EYS: variants seen among roughly 807,000 people sequenced by gnomAD.
EYS encodes the protein EGF-like photoreceptor maintenance factor, also known as protein eyes shut homolog.
EYS carries 250 observed loss-of-function variants against 282.1 expected under a neutral mutation model. That is an observed-to-expected ratio of 0.89 (90% CI 0.80 to 0.98). EYS has a LOEUF of 0.98. Among genes scored for constraint, EYS ranks in the 50% least tolerant of loss-of-function variants. EYS has a pLI of 0.00. For synonymous variants in EYS, 1,355 were observed against 1,282.9 expected (o/e 1.06, Z -1.20); for missense variants, 4,016 against 3,709.0 (o/e 1.08, Z -2.15).
intron 26 of EYS, among the ~76,000 whole-genome samples, chr6:64,570,598 C>A (rs560786961): frequency 1.3e-5 from 2 of 151,904 alleles, no homozygotes; most frequent in Non-Finnish European, 2.9e-5. Context: ...ATTTACCGAG[C>A]AAATTGAAAG....
chr6:65,100,803 A>T (rs568916714), intron 12 of EYS, among the ~76,000 whole-genome samples: 1 of 150,976 alleles, frequency 6.6e-6, no homozygotes, highest in East Asian at 1.9e-4. Flanking sequence ...GACCCAAGGT[A>T]TATCATAGGA....
chr6:63,806,062 A>C (rs751267709), intron 37 of EYS, 128 bp downstream of exon 37: 47 of 750,412 alleles, frequency 6.3e-5, no homozygotes, highest in Admixed American at 3.6e-4. Flanking sequence ...CTCAAGGCAG[A>C]AAACAGGAGG....
Position 64,591,264 on chromosome 6 carries a change from T to G in EYS, c.4603A>C (p.Asn1535His), listed in dbSNP as rs2149831955. ...EYQAITEASS[N>H]QRLTNIKSQA... is the part of the protein sequence containing the mutation. ...GATTTGATGTTTGTGAGTCTCTGGT[T>G]GCTTGAAGCCTCAGTAATAGCCTGA... The change falls in exon 26 of 43, where the codon AAC becomes CAC. Residue 1535 changes from asparagine to histidine, a missense_variant. Physicochemically the swap from Asn to His is moderately conservative, Grantham distance 68. Transcript: ENST00000503581. The G allele has an allele frequency of 1.9e-6, 3 of 1,551,444 alleles. No individual in the cohort carries two copies. The highest frequency in any genetic ancestry group is 2.6e-6 in the Non-Finnish European group (3 of 1,146,818).
intron 30 of EYS, among the ~76,000 whole-genome samples, chr6:64,295,882 C>T (rs9451265): frequency 0.024 from 3,652 of 152,182 alleles, 74 homozygotes; most frequent in African/African-American, 0.06. Context: ...TACTTAAAAA[C>T]TTTTCTGATG....
chr6:64,920,624 T>A (rs1444601729), intron 15 of EYS, among the ~76,000 whole-genome samples: 2 of 152,154 alleles, frequency 1.3e-5, no homozygotes, highest in African/African-American at 4.8e-5. Flanking sequence ...TATGTAAGTA[T>A]ATGTCTGCAT....
chr6:64,360,979 A>T (rs971635741), intron 29 of EYS, among the ~76,000 whole-genome samples: 1 of 151,676 alleles, frequency 6.6e-6, no homozygotes, highest in African/African-American at 2.4e-5. Context: ...AAAGGGACCC[A>T]GAAGTGTTTT....
chr6:64,730,305 T>C (rs778444549), intron 22 of EYS, among the ~76,000 whole-genome samples: 1 of 152,002 alleles, frequency 6.6e-6, no homozygotes, highest in African/African-American at 2.4e-5. Flanking sequence ...AAAAGAGTAA[T>C]GTTACAGATA....
chr6:64,048,796 G>A (rs559781033), intron 33 of EYS, among the ~76,000 whole-genome samples: 1 of 151,570 alleles, frequency 6.6e-6, no homozygotes, highest in South Asian at 2.1e-4. Flanking sequence ...TTAAAAGAAG[G>A]AACCACAGAT....
chr6:65,228,400 A>G (rs1039765830), intron 12 of EYS, among the ~76,000 whole-genome samples: 1 of 152,066 alleles, frequency 6.6e-6, no homozygotes, highest in African/African-American at 2.4e-5. Flanking sequence ...TCTGACAAAA[A>G]TATGCAAGAC....
At chr6:64,236,666 T>G (rs1234381213) in intron 30 of EYS, among the ~76,000 whole-genome samples, 3 of 152,018 alleles carry the variant, frequency 2.0e-5, no homozygotes, top group Non-Finnish European at 4.4e-5. Context: ...CTTTTTGAAC[T>G]GAAACCTGTA....
At chr6:64,793,549 T>C (rs150717914) in intron 22 of EYS, among the ~76,000 whole-genome samples, 1 of 152,288 alleles carries the variant, frequency 6.6e-6, no homozygotes, top group East Asian at 1.9e-4. Flanking sequence ...AAATTTGCTA[T>C]TGCAGATGTA....
chr6:63,756,190 A>G (rs1293368997), intron 41 of EYS, among the ~76,000 whole-genome samples: 1 of 152,196 alleles, frequency 6.6e-6, no homozygotes, highest in East Asian at 1.9e-4. Context: ...GAGAGAGAGC[A>G]TCCTTGTCTT....
rs1770000247 is a variant in EYS, at chr6:63,774,078, CCA to C, written c.7898+3926_7898+3927del. Among the ~76,000 whole-genome samples the C allele has an allele frequency of 1.3e-5, 2 of 152,162 alleles. 1 individual carries two copies. The highest frequency in any genetic ancestry group is 4.1e-4 in the South Asian group (2 of 4,830). ...TTTGATGCATTTTACATTTTTACAA[CCA>C]CATTCTTCCAACTCCTATTGTACTT... On this transcript the variant is annotated intron_variant, in intron 40 of 42. Coordinates refer to ENST00000503581, the MANE Select transcript of EYS (RefSeq NM_001142800.2).
chr6:64,689,340 G>A (rs543608331), intron 22 of EYS, among the ~76,000 whole-genome samples: 9 of 152,096 alleles, frequency 5.9e-5, no homozygotes, highest in African/African-American at 2.2e-4. Flanking sequence ...ACAAATGGAA[G>A]AACATTCCAT....
chr6:64,942,827 C>CAAAA (rs34826658), intron 15 of EYS, among the ~76,000 whole-genome samples: 48 of 94,314 alleles, frequency 5.1e-4, no homozygotes, highest in South Asian at 8.1e-4. Flanking sequence ...GTAACTCTTC[C>CAAAA]AAAAAAAAAA....
intron 22 of EYS, among the ~76,000 whole-genome samples, chr6:64,687,204 C>A (rs1036709178): frequency 6.6e-6 from 1 of 151,784 alleles, no homozygotes; most frequent in Non-Finnish European, 1.5e-5. Context: ...GCCAAAGTAA[C>A]TCTGATACTG....
intron 15 of EYS, among the ~76,000 whole-genome samples, chr6:64,931,315 C>G (rs116522520): frequency 0.01 from 1,583 of 152,128 alleles, 15 homozygotes; most frequent in African/African-American, 0.036. Context: ...ATTTAAGACT[C>G]TTCTTTACAA....
intron 35 of EYS, among the ~76,000 whole-genome samples, chr6:63,929,450 G>A (rs568528965): frequency 1.4e-4 from 22 of 152,280 alleles, no homozygotes; most frequent in Admixed American, 3.9e-4. Flanking sequence ...GACTGGATTT[G>A]TCATTGAAAG....
chr6:63,909,496 C>A (rs915417363), intron 35 of EYS, among the ~76,000 whole-genome samples: 10 of 152,166 alleles, frequency 6.6e-5, no homozygotes, highest in Admixed American at 1.3e-4. Context: ...TAGTGGTATG[C>A]TGGAGTTGGT....
Sources: allele counts gnomAD v4.1 joint callset (sites outside exome capture counted in the v4.1 genomes callset), GRCh38; gene constraint gnomAD v4.1.1; transcripts MANE v1.5; gene names NCBI Gene and HGNC (gene_info 2026-07-23, HGNC 2026-07-21).